BRD9: variants seen among roughly 807,000 people sequenced by gnomAD.
BRD9 encodes the protein bromodomain containing 9.
Under a neutral mutation model 68.7 loss-of-function variants are expected in BRD9, and 47 were observed. The ratio of observed to expected loss-of-function variants is 0.68; its 90% CI spans 0.54 to 0.87. BRD9 has a LOEUF of 0.87. Ranked by LOEUF, BRD9 falls within the 40% of genes least tolerant of loss-of-function variation. The pLI, the probability that BRD9 is intolerant of heterozygous loss-of-function variation, is 0.00. For missense variants in BRD9, 670 were observed against 748.4 expected (o/e 0.90, Z 1.22); for synonymous variants, 313 against 293.9 (o/e 1.06, Z -0.67).
intron 7 of BRD9, among the ~76,000 whole-genome samples, chr5:885,200 C>T (rs747801695): frequency 1.9e-4 from 29 of 152,248 alleles, no homozygotes; most frequent in Non-Finnish European, 3.4e-4. Context: ...CAGCCAACCA[C>T]GCAGTGAGTG....
intron 5 of BRD9, chr5:888,342 T>C (rs1159412044): frequency 6.6e-6 from 1 of 152,350 alleles, no homozygotes; most frequent in Non-Finnish European, 1.5e-5. Context: ...GATCCTCTCA[T>C]CGAGTTTCCT....
intron 12 of BRD9, among the ~76,000 whole-genome samples, chr5:871,802 G>A (rs904268507): frequency 1.3e-5 from 2 of 152,236 alleles, no homozygotes; most frequent in Non-Finnish European, 2.9e-5. Context: ...CGGGGACAGC[G>A]CTCCACAGGG....
intron 12 of BRD9, among the ~76,000 whole-genome samples, chr5:873,150 G>C (rs1750396590): frequency 6.6e-6 from 1 of 152,118 alleles, no homozygotes; most frequent in African/African-American, 2.4e-5. Context: ...GGGTGACAGA[G>C]TGAGACTCTA....
intron 11 of BRD9, among the ~76,000 whole-genome samples, chr5:877,287 G>A (rs1202879018): frequency 6.6e-6 from 1 of 152,218 alleles, no homozygotes; most frequent in African/African-American, 2.4e-5. Context: ...GTGAGGTGAG[G>A]GCTGGCGGGA....
intron 15 of BRD9, among the ~76,000 whole-genome samples, 176 bp downstream of exon 15, chr5:865,238 C>G (rs1184678098): frequency 4.6e-5 from 7 of 152,250 alleles, no homozygotes. Flanking sequence ...TCCGCTCCGG[C>G]TCTGCACCGA....
intron 5 of BRD9, 104 bp from the exon 6 acceptor site, chr5:887,575 T>A: frequency 1.2e-6 from 1 of 863,510 alleles, no homozygotes; most frequent in Non-Finnish European, 1.9e-6. Context: ...TACAATCGAG[T>A]AGAAAACAAT....
chr5:892,584 T>A lies in BRD9; in HGVS notation c.52+22A>T, dbSNP rs1020219776. On this transcript the variant is annotated intron_variant, in intron 1 of 15. Coordinates refer to ENST00000467963, the MANE Select transcript of BRD9 (RefSeq NM_023924.5). ...TGCCCGGGACCCCGCCCGCCGCGCG[T>A]CACAAAGCGCCGCCGCCTCACCCTC... 5.9e-6 allele frequency: 9 copies of A among 1,534,144 alleles called. No homozygotes were observed. In the Admixed American group the frequency reaches 8.0e-5, roughly 14 times the overall value.
chr5:873,643 A>G (rs1409628220), intron 12 of BRD9, among the ~76,000 whole-genome samples: 1 of 152,148 alleles, frequency 6.6e-6, no homozygotes, highest in South Asian at 2.1e-4. Context: ...TTTATACATG[A>G]GCCTCCTGGC....
At chr5:878,672 C>CATTTT (rs1751370578) in intron 10 of BRD9, 185 bp from the exon 11 acceptor site, 1 of 729,080 alleles carries the variant, frequency 1.4e-6, no homozygotes, top group African/African-American at 1.8e-5. Context: ...GGGTGTAATT[C>CATTTT]ACCACCCCTC....
At chr5:883,686 A>G (rs779941898) in intron 8 of BRD9, 1 of 563,760 alleles carries the variant, frequency 1.8e-6, no homozygotes, top group African/African-American at 1.9e-5. Context: ...GCCTCCATCA[A>G]GGAAATGAGG....
chr5:886,681 A>G lies in BRD9; in HGVS notation c.744T>C (p.Asp248=). Residue 248 remains aspartate, a synonymous_variant, in exon 7 of 16, where the codon GAT becomes GAC. Transcript: ENST00000467963. ...CAGGGACAGGTTCCTCAACAGCTGT[A>G]TCTTCATTGCCCAAAAGAGCTGCCT... ...SKQAALLGNE[D]TAVEEPVPEV... 1.2e-6 allele frequency: 2 copies of G among 1,614,192 alleles called. No individual in the cohort carries two copies. The highest frequency in any genetic ancestry group is 1.7e-6 in the Non-Finnish European group (2 of 1,180,022).
chr5:892,538 G>C (rs1753620389), intron 1 of BRD9, 68 bp downstream of exon 1: 1 of 1,515,264 alleles, frequency 6.6e-7, no homozygotes, highest in African/African-American at 1.4e-5. Context: ...CCCCGTCCGC[G>C]TGCCCGGAAC....
In BRD9 at chr5:864,504, A is replaced by C; in HGVS notation, c.1758T>G (p.Leu586=). ...CAGAGGCCGCAGGCTCTGGAGACTG[A>C]AGAAACTCATAGGGGTCGTGGGTGA... ...PDVTHDPYEF[L]QSPEPAASAK... Residue 586 remains leucine, a synonymous_variant, in exon 16 of 16, where the codon CTT becomes CTG. Transcript: ENST00000467963. 1.2e-6 allele frequency: 2 copies of C among 1,613,992 alleles called. No homozygotes were observed. Among genetic ancestry groups the C allele is most frequent in the Non-Finnish European group, 8.5e-7 (1 of 1,179,894 alleles).
At chr5:889,210 A>G (rs367580947) in intron 4 of BRD9, 45 bp from the exon 5 acceptor site, 173 of 1,574,664 alleles carry the variant, frequency 1.1e-4, no homozygotes, top group Admixed American at 3.5e-4. Context: ...AGATTTCTAA[A>G]TGATACAAAA....
At chr5:865,659 A>G in intron 14 of BRD9, 78 bp from the exon 15 acceptor site, 1 of 1,415,344 alleles carries the variant, frequency 7.1e-7, no homozygotes, top group Admixed American at 2.1e-5. Flanking sequence ...CACACTGCCC[A>G]TCCAGACAGG....
At chr5:882,680 G>C (rs1007820092) in intron 8 of BRD9, 1 of 167,892 alleles carries the variant, frequency 6.0e-6, no homozygotes, top group Non-Finnish European at 1.3e-5. Flanking sequence ...CAACACTTGA[G>C]CCACACAAAC....
rs371990399 is a variant in BRD9 at position 876,262 on chromosome 5, G to A, written c.1272-50C>T. 181 of 1,435,770 alleles carry A rather than the reference G, an allele frequency of 1.3e-4. No homozygotes were observed. In the African/African-American group the frequency reaches 2.1e-3, roughly 16 times the overall value. The allele number at this position is 1,435,770 out of a possible 1,614,324, so 88.9% of individuals were successfully genotyped here. ...CGCTGAAAGGAGCCCTTGTCGCCTG[G>A]CCCTCGCGGCAGCCCTGATCACAGA... On this transcript the variant is annotated intron_variant, in intron 11 of 15. Transcript: ENST00000467963.
intron 8 of BRD9, 21 bp from the exon 9 acceptor site, chr5:881,203 A>G (rs996212530): frequency 1.9e-6 from 3 of 1,612,476 alleles, no homozygotes; most frequent in Non-Finnish European, 2.5e-6. Context: ...GCACTGCCTG[A>G]GCGTCTGTCC....
chr5:877,302 G>T (rs542069599), intron 11 of BRD9, among the ~76,000 whole-genome samples: 2 of 152,230 alleles, frequency 1.3e-5, no homozygotes, highest in South Asian at 4.1e-4. Context: ...GCGGGAGGGT[G>T]GGGAGCAAAC....
Sources: allele counts gnomAD v4.1 joint callset (sites outside exome capture counted in the v4.1 genomes callset), GRCh38; gene constraint gnomAD v4.1.1; transcripts MANE v1.5; gene names NCBI Gene and HGNC (gene_info 2026-07-23, HGNC 2026-07-21).